GRAMD1C: variants seen among roughly 807,000 people sequenced by gnomAD.
GRAMD1C encodes the protein protein Aster-C.
Under a neutral mutation model 97.8 loss-of-function variants are expected in GRAMD1C, and 89 were observed. The observed-to-expected ratio is 0.91, with a 90% CI of 0.77 to 1.09. The LOEUF (loss-of-function observed/expected upper bound fraction) is 1.09, where lower values mean the gene tolerates loss of function less well. GRAMD1C is among the 50% of genes least tolerant of loss of function. The pLI, the probability that GRAMD1C is intolerant of heterozygous loss-of-function variation, is 0.00. For synonymous variants in GRAMD1C, 256 were observed against 267.0 expected (o/e 0.96, Z 0.40); for missense variants, 740 against 766.4 (o/e 0.97, Z 0.41).
chr3:113,938,919 T>C (rs916174851), intron 15 of GRAMD1C: 3 of 152,196 alleles, frequency 2.0e-5, no homozygotes, highest in Non-Finnish European at 2.9e-5. Flanking sequence ...ACATAGAAGA[T>C]GTTTGTTGTT....
intron 1 of GRAMD1C, among the ~76,000 whole-genome samples, chr3:113,832,493 T>C (rs1709572343): frequency 6.6e-6 from 1 of 152,218 alleles, no homozygotes; most frequent in African/African-American, 2.4e-5. Context: ...ATTTCAAGTA[T>C]GGTTCAGTGA....
chr3:113,883,948 C>T (rs72954609), intron 6 of GRAMD1C, among the ~76,000 whole-genome samples: 1 of 152,036 alleles, frequency 6.6e-6, no homozygotes, highest in Non-Finnish European at 1.5e-5. Flanking sequence ...GAGTTCAGGG[C>T]CAGCCTGGGA....
intron 10 of GRAMD1C, chr3:113,919,936 C>T: frequency 3.0e-6 from 2 of 660,198 alleles, no homozygotes; most frequent in South Asian, 1.4e-5. Flanking sequence ...GGATGGTGCA[C>T]CAGTAAAAGG....
chr3:113,834,865 A>G (rs1461246153), upstream of GRAMD1C, among the ~76,000 whole-genome samples: 6 of 150,882 alleles, frequency 4.0e-5, no homozygotes, highest in Non-Finnish European at 8.9e-5. Context: ...GCTTGAACAC[A>G]GGAGGTGGAG....
intron 7 of GRAMD1C, 27 bp from the exon 8 acceptor site, chr3:113,904,113 A>G (rs757677321): frequency 1.1e-5 from 17 of 1,587,634 alleles, no homozygotes; most frequent in Admixed American, 5.1e-5. Context: ...GTGACCTTAT[A>G]TTTCTATAAT....
intron 3 of GRAMD1C, among the ~76,000 whole-genome samples, chr3:113,874,343 G>T (rs1175142657): frequency 6.6e-6 from 1 of 151,928 alleles, no homozygotes; most frequent in Non-Finnish European, 1.5e-5. Context: ...GACTTTAGTG[G>T]TGAGGTGGAG....
At chr3:113,889,416 G>A (rs895532892) in intron 6 of GRAMD1C, among the ~76,000 whole-genome samples, 2 of 152,168 alleles carry the variant, frequency 1.3e-5, no homozygotes, top group African/African-American at 4.8e-5. Flanking sequence ...GCCTGGAGGA[G>A]GGAGTAATGA....
intron 5 of GRAMD1C, among the ~76,000 whole-genome samples, chr3:113,878,133 A>G (rs149666780): frequency 3.3e-5 from 5 of 152,268 alleles, no homozygotes; most frequent in Admixed American, 3.3e-4. Context: ...CATACTTTGA[A>G]TTTATTCATT....
At chr3:113,930,904 C>A in intron 11 of GRAMD1C, 72 bp downstream of exon 11, 2 of 743,478 alleles carry the variant, frequency 2.7e-6, no homozygotes, top group South Asian at 1.7e-5. Context: ...TATAGTTCAC[C>A]AATTTACAAG....
intron 2 of GRAMD1C, among the ~76,000 whole-genome samples, chr3:113,853,615 A>T (rs989256532): frequency 6.6e-6 from 1 of 152,238 alleles, no homozygotes; most frequent in African/African-American, 2.4e-5. Flanking sequence ...TTCATTTATT[A>T]GAGTGTCTTC....
chr3:113,854,718 T>G (rs1338257578), intron 2 of GRAMD1C, among the ~76,000 whole-genome samples: 1 of 152,144 alleles, frequency 6.6e-6, no homozygotes, highest in African/African-American at 2.4e-5. Flanking sequence ...TATACTTCTT[T>G]AAAGATCACC....
intron 2 of GRAMD1C, among the ~76,000 whole-genome samples, chr3:113,863,428 A>G (rs1343082200): frequency 1.3e-5 from 2 of 152,134 alleles, no homozygotes; most frequent in African/African-American, 2.4e-5. Context: ...TAGCAAATCC[A>G]TAGAGATAGA....
At chr3:113,873,525 T>C (rs1934915124) in intron 3 of GRAMD1C, among the ~76,000 whole-genome samples, 1 of 145,262 alleles carries the variant, frequency 6.9e-6, no homozygotes, top group Non-Finnish European at 1.5e-5. Context: ...TTTTATTTTA[T>C]TTTTTTTTTT....
In GRAMD1C at chr3:113,945,475, C is replaced by G. The variant is rs146296310; in HGVS notation, c.1986C>G (p.Ser662Arg). 3.1e-4 allele frequency: 490 copies of G among 1,561,948 alleles called. 3 individuals carry two copies. The highest frequency in any genetic ancestry group is 4.1e-4 in the Non-Finnish European group (466 of 1,134,090). The change falls in exon 18 of 18, where the codon AGC (serine) becomes AGG (arginine). Residue 662 changes from serine to arginine, a missense_variant. Ser to Arg is a moderately radical substitution (Grantham distance 110, BLOSUM62 -1). Coordinates refer to ENST00000358160, the MANE Select transcript of GRAMD1C (RefSeq NM_017577.5). Reference sequence around the variant, plus strand: ...ATAAGACTGGCATGGCTGTTGAAAGCTAGTGATCTGAAGGACTAAAACCGC... The same window carrying G: ...ATAAGACTGGCATGGCTGTTGAAAGGTAGTGATCTGAAGGACTAAAACCGC... Reference protein sequence around the residue: ...NKNKTGMAVES With the variant: ...NKNKTGMAVER
At chr3:113,927,611 G>C (rs1040218120) in intron 10 of GRAMD1C, among the ~76,000 whole-genome samples, 1 of 152,192 alleles carries the variant, frequency 6.6e-6, no homozygotes, top group Non-Finnish European at 1.5e-5. Flanking sequence ...GGGAACACGG[G>C]GTTGTGCCTG....
intron 9 of GRAMD1C, 133 bp downstream of exon 9, chr3:113,909,253 A>C (rs530307532): frequency 3.5e-5 from 15 of 427,828 alleles, no homozygotes; most frequent in Admixed American, 2.6e-4. Context: ...CAAAAAAAGA[A>C]TGGGAGCTTA....
intron 10 of GRAMD1C, among the ~76,000 whole-genome samples, chr3:113,921,759 T>G (rs970260341): frequency 6.6e-5 from 10 of 152,238 alleles, no homozygotes; most frequent in Non-Finnish European, 1.5e-4. Flanking sequence ...ATATGTCTTC[T>G]TTTGAAAAGT....
At chr3:113,902,918 A>C (rs553753423) in intron 7 of GRAMD1C, among the ~76,000 whole-genome samples, 4 of 151,840 alleles carry the variant, frequency 2.6e-5, no homozygotes, top group Non-Finnish European at 5.9e-5. Context: ...CTGGGATTAC[A>C]GGTGTCAGCC....
chr3:113,863,738 G>A (rs544542975), intron 2 of GRAMD1C, among the ~76,000 whole-genome samples: 7 of 152,312 alleles, frequency 4.6e-5, no homozygotes, highest in African/African-American at 1.7e-4. Context: ...TCTGTCATGA[G>A]TTGCAGTTGC....
Sources: allele counts gnomAD v4.1 joint callset (sites outside exome capture counted in the v4.1 genomes callset), GRCh38; gene constraint gnomAD v4.1.1; transcripts MANE v1.5; gene names NCBI Gene and HGNC (gene_info 2026-07-23, HGNC 2026-07-21).